The following GLIS3 variants were observed in gnomAD, a reference collection of about 807,000 sequenced individuals.
GLIS3 encodes the protein GLIS family zinc finger 3.
Under a neutral mutation model 78.6 loss-of-function variants are expected in GLIS3, and 53 were observed. The ratio of observed to expected loss-of-function variants is 0.67; its 90% CI spans 0.54 to 0.85. The LOEUF (loss-of-function observed/expected upper bound fraction) is 0.85. Ranked by LOEUF, GLIS3 falls within the 40% of genes least tolerant of loss-of-function variation. The pLI, the probability that GLIS3 is intolerant of heterozygous loss-of-function variation, is 0.00. For missense variants in GLIS3, 1,703 were observed against 1,231.1 expected (o/e 1.38, Z -5.74); for synonymous variants, 684 against 509.9 (o/e 1.34, Z -4.60).
chr9:4,362,748 C>A, the GLIS3 span, among the ~76,000 whole-genome samples: 28 of 152,320 alleles, frequency 1.8e-4, no homozygotes, highest in African/African-American at 5.1e-4. Context: ...AGGGGCCCAG[C>A]TTTTGGTGCA....
intron 4 of GLIS3, among the ~76,000 whole-genome samples, chr9:4,099,463 A>G (rs202026389): frequency 1.7e-5 from 1 of 59,736 alleles, no homozygotes; most frequent in Non-Finnish European, 3.6e-5. Flanking sequence ...CAATGCACAC[A>G]TGTCTTTGTG....
At chr9:4,270,322 T>C (rs1390655922) in intron 2 of GLIS3, among the ~76,000 whole-genome samples, 1 of 152,228 alleles carries the variant, frequency 6.6e-6, no homozygotes, top group African/African-American at 2.4e-5. Flanking sequence ...TAATTATCTA[T>C]TGCTACATCA....
the GLIS3 span, among the ~76,000 whole-genome samples, chr9:4,412,558 T>C: frequency 6.6e-6 from 1 of 152,328 alleles, no homozygotes; most frequent in African/African-American, 2.4e-5. Flanking sequence ...TTCAGCTTAT[T>C]CACTGGTATA....
chr9:3,931,195 A>G (rs1028834272), intron 6 of GLIS3, among the ~76,000 whole-genome samples: 2 of 152,154 alleles, frequency 1.3e-5, no homozygotes, highest in African/African-American at 4.8e-5. Flanking sequence ...AATCCCCCTG[A>G]CTGAGCATTT....
intron 6 of GLIS3, among the ~76,000 whole-genome samples, chr9:3,916,196 A>G (rs1266289151): frequency 1.3e-5 from 2 of 152,228 alleles, no homozygotes; most frequent in Admixed American, 6.5e-5. Context: ...GCCTTTGTGA[A>G]ACTCCCATAG....
At chr9:4,471,689 G>A in the GLIS3 span, among the ~76,000 whole-genome samples, 9 of 152,290 alleles carry the variant, frequency 5.9e-5, no homozygotes, top group East Asian at 5.8e-4. Context: ...TCAAGCCATC[G>A]GCATGGGCAA....
At chr9:4,280,096 C>T (rs1467906184) in intron 2 of GLIS3, among the ~76,000 whole-genome samples, 2 of 152,150 alleles carry the variant, frequency 1.3e-5, no homozygotes, top group Admixed American at 6.5e-5. Context: ...CATGGCTCAC[C>T]GCAGCCTCAA....
At chr9:3,874,603 A>C (rs992511873) in intron 8 of GLIS3, among the ~76,000 whole-genome samples, 5 of 152,094 alleles carry the variant, frequency 3.3e-5, no homozygotes, top group African/African-American at 1.2e-4. Context: ...AGTCCTGTGG[A>C]ACTGTGTCCT....
rs1456712797 is a variant in GLIS3 at position 4,323,765 on chromosome 9, A to C, written n.265-13237T>G. ...CTGGAAGCTCCTTAAAGGCAGAACC[A>C]TGTCTATGTTTGATTGCTATTAAAT... On this transcript the variant is annotated intron_variant and non_coding_transcript_variant, in intron 2 of 4. Transcript: ENST00000471664. Among the ~76,000 whole-genome samples the C allele has an allele frequency of 5.9e-5, 9 of 152,342 alleles. No homozygotes were observed. The East Asian group carries it at 1.7e-3, about 29-fold the overall frequency.
intron 2 of GLIS3, among the ~76,000 whole-genome samples, chr9:4,191,743 A>T (rs1818348246): frequency 6.6e-6 from 1 of 152,218 alleles, no homozygotes; most frequent in Admixed American, 6.5e-5. Context: ...AATGAAAATG[A>T]ATTGAGGAAC....
chr9:3,911,212 G>C (rs1255361420), intron 6 of GLIS3, among the ~76,000 whole-genome samples: 2 of 152,002 alleles, frequency 1.3e-5, no homozygotes, highest in Admixed American at 6.6e-5. Context: ...AGATAAAGTA[G>C]TACATAAGAC....
At chr9:4,448,387 C>G in the GLIS3 span, among the ~76,000 whole-genome samples, 1 of 152,210 alleles carries the variant, frequency 6.6e-6, no homozygotes, top group African/African-American at 2.4e-5. Context: ...AGCACAGAGG[C>G]TGAAAGTGTC....
chr9:3,904,688 A>G (rs563136420), intron 6 of GLIS3, among the ~76,000 whole-genome samples: 10 of 152,356 alleles, frequency 6.6e-5, no homozygotes, highest in African/African-American at 1.9e-4. Context: ...CTGCATTTCA[A>G]TTAAATAAAT....
chr9:4,198,192 A>AG (rs1162206984), intron 2 of GLIS3, among the ~76,000 whole-genome samples: 1 of 152,220 alleles, frequency 6.6e-6, no homozygotes, highest in Non-Finnish European at 1.5e-5. Flanking sequence ...AAGAATTCAA[A>AG]GCATGGATTG....
intron 2 of GLIS3, among the ~76,000 whole-genome samples, chr9:4,191,958 ATGG>A (rs1022714686): frequency 6.6e-6 from 1 of 152,170 alleles, no homozygotes; most frequent in Non-Finnish European, 1.5e-5. Context: ...TTGGAAGTGA[ATGG>A]TGAAGATTTT....
At chr9:4,407,501 G>T in the GLIS3 span, among the ~76,000 whole-genome samples, 2 of 152,134 alleles carry the variant, frequency 1.3e-5, no homozygotes, top group African/African-American at 4.8e-5. Flanking sequence ...AAAACAATTA[G>T]CCGGGCGTGG....
At chr9:4,210,389 C>G (rs565098704) in intron 2 of GLIS3, among the ~76,000 whole-genome samples, 1 of 152,176 alleles carries the variant, frequency 6.6e-6, no homozygotes, top group African/African-American at 2.4e-5. Context: ...CTTAGTTTAT[C>G]TTAACATCCC....
At chr9:3,897,907 T>C (rs1173216270) in intron 7 of GLIS3, among the ~76,000 whole-genome samples, 3 of 152,150 alleles carry the variant, frequency 2.0e-5, no homozygotes, top group Admixed American at 6.5e-5. Flanking sequence ...CCACAGAAAA[T>C]AGAAAATTCT....
chr9:4,053,806 CG>C (rs1014302047), intron 4 of GLIS3, among the ~76,000 whole-genome samples: 1 of 151,404 alleles, frequency 6.6e-6, no homozygotes, highest in African/African-American at 2.4e-5. Flanking sequence ...ACACCATTGG[CG>C]AACTGTAGAC....
Sources: gnomAD v4.1 joint callset for allele counts (sites outside exome capture counted in the v4.1 genomes callset) on GRCh38, gnomAD v4.1.1 for gene constraint, MANE v1.5 for transcripts, NCBI Gene and HGNC (gene_info 2026-07-23, HGNC 2026-07-21) for gene names.